Variants in MCTP1 observed in about 807,000 individuals in gnomAD.
MCTP1 encodes the protein multiple C2 and transmembrane domain-containing protein 1.
MCTP1 carries 69 observed loss-of-function variants against 120.6 expected under a neutral mutation model. The observed-to-expected ratio is 0.57, with a 90% confidence interval of 0.47 to 0.70. The LOEUF is 0.70. Among genes scored for constraint, MCTP1 ranks in the 30% least tolerant of loss-of-function variants. The pLI is 0.00. For missense variants in MCTP1, 1,203 were observed against 1,248.8 expected (o/e 0.96, Z 0.55); for synonymous variants, 529 against 493.1 (o/e 1.07, Z -0.96).
intron 1 of MCTP1, among the ~76,000 whole-genome samples, chr5:95,269,650 G>C (rs1352780580): frequency 6.6e-6 from 1 of 152,246 alleles, no homozygotes; most frequent in Non-Finnish European, 1.5e-5. Flanking sequence ...TGGGTACCAA[G>C]CATGTATTTA....
At chr5:94,998,187 T>C (rs1031114743) in intron 2 of MCTP1, among the ~76,000 whole-genome samples, 3 of 152,194 alleles carry the variant, frequency 2.0e-5, no homozygotes, top group African/African-American at 7.2e-5. Flanking sequence ...TGGTCAATTA[T>C]TTAAAAAAAT....
intron 17 of MCTP1, among the ~76,000 whole-genome samples, chr5:94,862,793 C>T (rs42756): frequency 0.76 from 115,195 of 151,596 alleles, 44,937 homozygotes; most frequent in African/African-American, 0.85. Context: ...ATTTCTTCTC[C>T]GGAGTTGAGA....
chr5:95,176,619 G>A (rs912171638), intron 1 of MCTP1, among the ~76,000 whole-genome samples: 3 of 152,130 alleles, frequency 2.0e-5, no homozygotes, highest in Non-Finnish European at 4.4e-5. Flanking sequence ...AGGCCAAGGA[G>A]GATAGATTTT....
intron 19 of MCTP1, among the ~76,000 whole-genome samples, chr5:94,760,049 GA>G (rs71615132): frequency 1.8e-4 from 26 of 147,974 alleles, no homozygotes; most frequent in Non-Finnish European, 3.3e-4. Flanking sequence ...AACTTATCTG[GA>G]AAAAAAATCA....
intron 1 of MCTP1, among the ~76,000 whole-genome samples, chr5:95,139,091 G>A (rs562252368): frequency 2.6e-4 from 40 of 151,582 alleles, no homozygotes; most frequent in African/African-American, 9.0e-4. Context: ...TCAAATAGTC[G>A]TATTAGTTTA....
intron 7 of MCTP1, 124 bp downstream of exon 7, chr5:94,923,838 C>A: frequency 1.8e-6 from 1 of 566,180 alleles, no homozygotes; most frequent in South Asian, 2.5e-5. Flanking sequence ...ATAAAGAAGG[C>A]AAATGAATAC....
chr5:94,806,008 A>C lies in MCTP1; in HGVS notation c.2437-6876T>G, dbSNP rs191264708. On this transcript the variant is annotated intron_variant, in intron 17 of 22. Transcript: ENST00000515393. ...CTAGGATAACTACTCTTGCGTCAGT[A>C]CAAAGAAATGGAATGCCACTTCTTA... Among the ~76,000 whole-genome samples, 134 of 151,826 alleles carry C rather than the reference A, an allele frequency of 8.8e-4. 1 individual carries two copies. The highest frequency in any genetic ancestry group is 7.4e-5 in the Non-Finnish European group (5 of 67,968).
At chr5:95,265,997 G>T (rs775841760) in intron 1 of MCTP1, among the ~76,000 whole-genome samples, 1 of 152,094 alleles carries the variant, frequency 6.6e-6, no homozygotes, top group African/African-American at 2.4e-5. Context: ...GAAGGAAACA[G>T]AAATCAACTT....
chr5:94,902,865 A>G (rs1337799537), intron 10 of MCTP1, among the ~76,000 whole-genome samples: 3 of 152,170 alleles, frequency 2.0e-5, no homozygotes, highest in African/African-American at 7.2e-5. Flanking sequence ...ATAATTCCCT[A>G]TTCATTGACT....
intron 1 of MCTP1, among the ~76,000 whole-genome samples, chr5:95,251,915 T>C (rs1145055): frequency 0.016 from 2,363 of 152,036 alleles, 32 homozygotes; most frequent in Non-Finnish European, 0.025. Context: ...GTGCATATAA[T>C]TAAAAACAAA....
intron 1 of MCTP1, among the ~76,000 whole-genome samples, chr5:95,181,481 A>T (rs763855374): frequency 2.0e-5 from 3 of 152,154 alleles, no homozygotes; most frequent in Admixed American, 6.6e-5. Context: ...GTCTTCCATG[A>T]TGACTTTATA....
At chr5:94,896,134 T>C (rs1226695657) in intron 10 of MCTP1, among the ~76,000 whole-genome samples, 1 of 152,164 alleles carries the variant, frequency 6.6e-6, no homozygotes, top group Non-Finnish European at 1.5e-5. Context: ...TAAATTTTAA[T>C]TGGAATTAAG....
intron 2 of MCTP1, among the ~76,000 whole-genome samples, chr5:94,987,763 G>A (rs539160596): frequency 1.3e-4 from 19 of 151,974 alleles, no homozygotes; most frequent in Non-Finnish European, 2.4e-4. Flanking sequence ...TTTTTAGGGG[G>A]CAGTGTGGGC....
intron 19 of MCTP1, among the ~76,000 whole-genome samples, chr5:94,715,864 T>A (rs986445541): frequency 6.6e-6 from 1 of 152,216 alleles, no homozygotes; most frequent in Non-Finnish European, 1.5e-5. Flanking sequence ...TACTTTAACT[T>A]CTTTTGAACA....
rs60394333 is a variant in MCTP1 at position 94,791,112 on chromosome 5, CAA to C, written c.2556+7899_2556+7900del. 3.6e-3 allele frequency among the ~76,000 whole-genome samples: 354 copies of C among 99,654 alleles called. 1 individual carries two copies. Among genetic ancestry groups the C allele is most frequent in the African/African-American group, 6.0e-3 (155 of 25,778 alleles). 65.4% of individuals were successfully genotyped at this position (99,654 alleles called of 152,430 possible). ...ATACGGCGAAATCCCGTCTCTACTACAAAAAAAAAAAAAAAAAAAAAGAAAAA... is the reference window on the plus strand; with the variant it reads ...ATACGGCGAAATCCCGTCTCTACTACAAAAAAAAAAAAAAAAAAAGAAAAA... On this transcript the variant is annotated intron_variant, in intron 18 of 22. Coordinates refer to ENST00000515393, the MANE Select transcript of MCTP1 (RefSeq NM_024717.7).
chr5:95,272,764 G>A lies in MCTP1; in HGVS notation c.720+11092C>T, dbSNP rs533818685. Among the ~76,000 whole-genome samples, 5 of 152,314 alleles carry A rather than the reference G, an allele frequency of 3.3e-5. No individual in the cohort carries two copies. The South Asian group carries it at 8.3e-4, about 25-fold the overall frequency. On this transcript the variant is annotated intron_variant, in intron 1 of 22. Transcript: ENST00000515393. ...CTGCTGATTCCCACAGAGAAAGCAAGGAAATCACAAAAGCACCAGCCTGAG... is the reference window on the plus strand; with the variant it reads ...CTGCTGATTCCCACAGAGAAAGCAAAGAAATCACAAAAGCACCAGCCTGAG...
At chr5:94,750,686 G>A (rs1252091035) in intron 19 of MCTP1, among the ~76,000 whole-genome samples, 3 of 152,184 alleles carry the variant, frequency 2.0e-5, no homozygotes, top group Admixed American at 6.5e-5. Context: ...GCCCATCCTG[G>A]ATCGACAGAT....
intron 1 of MCTP1, among the ~76,000 whole-genome samples, chr5:95,206,243 C>T (rs2152560255): frequency 6.6e-6 from 1 of 152,228 alleles, no homozygotes; most frequent in East Asian, 1.9e-4. Flanking sequence ...ACCCTGAAAA[C>T]ATCATGCTAA....
intron 1 of MCTP1, among the ~76,000 whole-genome samples, chr5:95,235,178 G>A (rs1245604172): frequency 6.6e-6 from 1 of 151,798 alleles, no homozygotes; most frequent in Non-Finnish European, 1.5e-5. Flanking sequence ...AAAAATCAAT[G>A]TAATTCACTA....
Sources: allele counts gnomAD v4.1 joint callset (sites outside exome capture counted in the v4.1 genomes callset), GRCh38; gene constraint gnomAD v4.1.1; transcripts MANE v1.5; gene names NCBI Gene and HGNC (gene_info 2026-07-23, HGNC 2026-07-21).